GPR179: variants seen among roughly 807,000 people sequenced by gnomAD.
GPR179 encodes probable G protein-coupled receptor 179.
A neutral mutation model predicts 70.8 loss-of-function variants in GPR179; 52 were observed. That is an observed-to-expected ratio of 0.73 (90% CI 0.59 to 0.93). GPR179 has a LOEUF of 0.93. Among genes scored for constraint, GPR179 ranks in the 40% least tolerant of loss-of-function variants. The pLI, the probability that GPR179 is intolerant of heterozygous loss-of-function variation, is 0.00. For synonymous variants in GPR179, 1,123 were observed against 1,169.0 expected, an observed-to-expected ratio of 0.96 and a Z score of 0.80; for missense variants, 2,734 against 2,966.8, an observed-to-expected ratio of 0.92 and a Z score of 1.82.
chr17:38,330,050 G>C lies in GPR179; in HGVS notation c.3519C>G (p.Ser1173Arg), dbSNP rs769135444. The C allele has an allele frequency of 6.2e-7, 1 of 1,614,078 alleles. No individual in the cohort carries two copies. Among genetic ancestry groups the C allele is most frequent in the African/African-American group, 1.3e-5 (1 of 74,924 alleles). The change falls in exon 11 of 11, where the codon AGC becomes AGG. Residue 1173 changes from serine (S) to arginine (R), a missense_variant. Physicochemically the swap from Ser to Arg is moderately radical, Grantham distance 110 (BLOSUM62 -1). Coordinates refer to ENST00000616987, the MANE Select transcript of GPR179 (RefSeq NM_001004334.4). ...RMLQVCQREG[S>R]REQEDRGRRM... ...TCCTGCCTCTGTCTTCTTGTTCCCTGCTGCCCTCCCGTTGACAGACTTGGA... is the reference window on the plus strand; with the variant it reads ...TCCTGCCTCTGTCTTCTTGTTCCCTCCTGCCCTCCCGTTGACAGACTTGGA...
intron 4 of GPR179, 36 bp from the exon 5 acceptor site, chr17:38,336,180 T>C: frequency 6.9e-7 from 1 of 1,442,906 alleles, no homozygotes; most frequent in African/African-American, 1.4e-5. Context: ...GAGCAGAGTC[T>C]GGACGATGGT....
rs201516786 is a variant in GPR179 at position 38,327,963 on chromosome 17, T to G, written c.5606A>C (p.Gln1869Pro). The stretch of plus-strand genomic sequence containing the variant: ...CTCCCAAATACAAATAGTTTCCTGT[T>G]GTTGACACAGTTTTGCCATCCCTTT... The part of the protein sequence containing the change: ...VSKGMAKLCQ[Q>P]QETICIWENK... Residue 1869 changes from glutamine to proline, a missense_variant, in exon 11 of 11, where the codon CAA becomes CCA. Physicochemically the swap from Gln to Pro is moderately conservative, Grantham distance 76. Transcript: ENST00000616987. The G allele has an allele frequency of 3.6e-4, 583 of 1,614,186 alleles. No homozygotes were observed. The highest frequency in any genetic ancestry group is 4.7e-4 in the Non-Finnish European group (552 of 1,180,020).
In GPR179 at chr17:38,328,075, C is replaced by T. The variant is rs1157189477; in HGVS notation, c.5494G>A (p.Asp1832Asn). 1.2e-6 allele frequency: 2 copies of T among 1,614,006 alleles called. No individual in the cohort carries two copies. Among genetic ancestry groups the T allele is most frequent in the Non-Finnish European group, 1.7e-6 (2 of 1,180,026 alleles). The change falls in exon 11 of 11, where the codon GAC (aspartate) becomes AAC (asparagine). Residue 1832 changes from aspartate (D) to asparagine (N), a missense_variant. Physicochemically the swap from Asp to Asn is conservative, Grantham distance 23. Transcript: ENST00000616987. ...VSEGTTGKGL[D>N]QKAGSESAEQ... is the part of the protein sequence containing the mutation. ...GCTGATTCACTCCCTGCCTTTTGGT[C>T]CAATCCCTTCCCAGTAGTTCCTTCA... is the stretch of plus-strand genomic sequence containing the variant.
rs1299927354 is a variant in GPR179, at chr17:38,327,743, G to C, written c.5826C>G (p.Phe1942Leu). 6.2e-7 allele frequency: 1 copy of C among 1,614,084 alleles called. No individual in the cohort carries two copies. The highest frequency in any genetic ancestry group is 8.5e-7 in the Non-Finnish European group (1 of 1,180,044). ...TTGTTTTTTCCCCATCTTCAGTAGT[G>C]AATTCTTCTGTGTCTGCAGCTGGAG... Reference protein sequence around the residue: ...EKAPAADTEEFTTEDGEKTSH... With the variant: ...EKAPAADTEELTTEDGEKTSH... The change falls in exon 11 of 11, where the codon TTC becomes TTG. Residue 1942 changes from phenylalanine to leucine, a missense_variant. By Grantham distance (22) the Phe-to-Leu change is conservative. Transcript: ENST00000616987.
chr17:38,334,076 A>G lies in GPR179; in HGVS notation c.1785-38T>C. 1 of 1,407,554 alleles carries G rather than the reference A, an allele frequency of 7.1e-7. No individual in the cohort carries two copies. Among genetic ancestry groups the G allele is most frequent in the Non-Finnish European group, 1.0e-6 (1 of 992,362 alleles). The allele number at this position is 1,407,554 out of a possible 1,614,324, so 87.2% of individuals were successfully genotyped here. A position where few individuals can be genotyped will look rare whatever the true frequency, so the allele number is the denominator to read the frequency against. ...AGGGGCGCAGGTCATTACTGCAGGC[A>G]GGAGTTGCCTCTTCTGCTTTGCCTT... On this transcript the variant is annotated intron_variant, in intron 8 of 10. Transcript: ENST00000616987. The surrounding 1 kb of genome is among the most constrained non-coding windows in gnomAD (Gnocchi z 4.7).
In GPR179 at chr17:38,328,460, T is replaced by A; in HGVS notation, c.5109A>T (p.Glu1703Asp). ...VEENLTAGKA[E>D]ICPWEVGAGA... ...CAGCACCCACCTCCCAGGGACAGATTTCTGCCTTCCCAGCAGTCAAGTTTT... is the reference window on the plus strand; with the variant it reads ...CAGCACCCACCTCCCAGGGACAGATATCTGCCTTCCCAGCAGTCAAGTTTT... The change falls in exon 11 of 11, where the codon GAA becomes GAT. Residue 1703 changes from glutamate to aspartate, a missense_variant. Transcript: ENST00000616987. 1 of 1,613,500 alleles carries A rather than the reference T, an allele frequency of 6.2e-7. No homozygotes were observed. The highest frequency in any genetic ancestry group is 8.5e-7 in the Non-Finnish European group (1 of 1,179,766).
chr17:38,334,104 C>CA lies in GPR179; in HGVS notation c.1785-67dup. On this transcript the variant is annotated intron_variant, in intron 8 of 10. Transcript: ENST00000616987. This position sits in a 1 kb window ranked among gnomAD's most constrained non-coding sequence, Gnocchi z 4.7. The stretch of plus-strand genomic sequence containing the variant: ...AGTTGCCTCTTCTGCTTTGCCTTCT[C>CA]ACTGGCGTTTCACCTCAGCCCCAAC... 3 of 1,154,542 alleles carry CA rather than the reference C, an allele frequency of 2.6e-6. No homozygotes were observed. The highest frequency in any genetic ancestry group is 3.9e-6 in the Non-Finnish European group (3 of 763,368). 71.5% of individuals were successfully genotyped at this position (1,154,542 alleles called of 1,614,324 possible).
In GPR179 at chr17:38,325,890, A is replaced by G. The variant is rs919959249; in HGVS notation, c.*575T>C. On this transcript the variant is annotated 3_prime_UTR_variant, in exon 11 of 11. Transcript: ENST00000616987. Reference sequence around the variant, plus strand: ...GTCAAAATGACAAGGTCCTTAAAGCATTTTCAGGCCCCTATTTTGAGTCAT... The same window carrying G: ...GTCAAAATGACAAGGTCCTTAAAGCGTTTTCAGGCCCCTATTTTGAGTCAT... The G allele has an allele frequency of 6.6e-6, 1 of 152,326 alleles. No individual in the cohort carries two copies. The highest frequency in any genetic ancestry group is 2.4e-5 in the African/African-American group (1 of 41,424). The allele number at this position is 152,326 out of a possible 1,614,324, so 9.4% of individuals were successfully genotyped here. A position where few individuals can be genotyped will look rare whatever the true frequency, so the allele number is the denominator to read the frequency against.
Position 38,331,326 on chromosome 17 carries a change from C to G in GPR179, c.2243G>C (p.Gly748Ala). The G allele has an allele frequency of 1.2e-6, 2 of 1,607,916 alleles. No individual in the cohort carries two copies. Among genetic ancestry groups the G allele is most frequent in the Non-Finnish European group, 1.7e-6 (2 of 1,177,882 alleles). The change falls in exon 11 of 11, where the codon GGC (glycine) becomes GCC (alanine). Residue 748 changes from glycine (G) to alanine (A), a missense_variant. Coordinates refer to ENST00000616987, the MANE Select transcript of GPR179 (RefSeq NM_001004334.4). ...GCTGAGGAGCCGGCGGCGGGAGGAG[C>G]CGGGCAGGCTGCCGTGGCCTGGGGA... ...SGSPGHGSLPGSSRRRLLSSS... is the reference protein window; with the variant it reads ...SGSPGHGSLPASSRRRLLSSS...
At chr17:38,340,620 A>G (rs761008509) in intron 1 of GPR179, among the ~76,000 whole-genome samples, 20 of 152,302 alleles carry the variant, frequency 1.3e-4, no homozygotes, top group Admixed American at 6.5e-4. Context: ...GTGTCATGTA[A>G]AACTTTGGCT....
In GPR179 at chr17:38,331,144, C is replaced by A; in HGVS notation, c.2425G>T (p.Gly809Trp). 6.2e-7 allele frequency: 1 copy of A among 1,605,956 alleles called. No homozygotes were observed. ...GACCTGAAGCCCAGGGCAGGGGGCC[C>A]CTCCACCGACTCCCGGCTCTCTGTT... is the stretch of plus-strand genomic sequence containing the variant. ...SRTESRESVE[G>W]PPALGFRSAS... The change falls in exon 11 of 11, where the codon GGG becomes TGG. Residue 809 changes from glycine (G) to tryptophan (W), a missense_variant. Transcript: ENST00000616987.
Position 38,342,993 on chromosome 17 carries a change from T to TA in GPR179, c.794+2dup. On this transcript the variant is annotated splice_region_variant and intron_variant, in intron 1 of 10. Transcript: ENST00000616987. ...GCATCAAATCCTGCACAAACCCACT[T>TA]ACCTGACTTCTGGGCTGAGGTCTGG... 2 of 1,593,322 alleles carry TA rather than the reference T, an allele frequency of 1.3e-6. No individual in the cohort carries two copies. Among genetic ancestry groups the TA allele is most frequent in the Non-Finnish European group, 1.7e-6 (2 of 1,168,814 alleles).
In GPR179 at chr17:38,328,190, A is replaced by G. The variant is rs371021022; in HGVS notation, c.5379T>C (p.His1793=). ...ACACTTCACCTGGCCTGCAGCCCATATGATCCAGTTCCTGGAACCCAGCTT... is the reference window on the plus strand; with the variant it reads ...ACACTTCACCTGGCCTGCAGCCCATGTGATCCAGTTCCTGGAACCCAGCTT... ...GPKAGFQELD[H]MGCRPGEVCP... The change falls in exon 11 of 11, where the codon CAT becomes CAC. Residue 1793 remains histidine (H), a synonymous_variant. Transcript: ENST00000616987. 7 of 1,612,908 alleles carry G rather than the reference A, an allele frequency of 4.3e-6. No individual in the cohort carries two copies. The highest frequency in any genetic ancestry group is 4.0e-5 in the African/African-American group (3 of 74,598).
At chr17:38,340,457 T>C (rs1217925396) in intron 1 of GPR179, among the ~76,000 whole-genome samples, 1 of 152,212 alleles carries the variant, frequency 6.6e-6, no homozygotes, top group Non-Finnish European at 1.5e-5. Context: ...TTAAAAATTA[T>C]TTTTAGTGGA....
intron 2 of GPR179, 112 bp from the exon 3 acceptor site, chr17:38,337,832 C>T (rs1252997357): frequency 1.1e-6 from 1 of 889,236 alleles, no homozygotes; most frequent in Non-Finnish European, 1.8e-6. Flanking sequence ...GGACTTGGGT[C>T]CACACTAGGG....
Position 38,335,702 on chromosome 17 carries a change from T to C in GPR179, c.1297-2A>G, listed in dbSNP as rs1430846009. 1.9e-6 allele frequency: 3 copies of C among 1,606,744 alleles called. No homozygotes were observed. Among genetic ancestry groups the C allele is most frequent in the Non-Finnish European group, 2.6e-6 (3 of 1,173,528 alleles). On this transcript the variant is annotated splice_acceptor_variant, in intron 5 of 10. Coordinates refer to ENST00000616987, the MANE Select transcript of GPR179 (RefSeq NM_001004334.4). LOFTEE classifies it high-confidence loss of function. ...GGGCTTGAAGTATAGGATGAAGACC[T>C]GGTGGGAAGGGGCAAAAATCTCTGC... is the stretch of plus-strand genomic sequence containing the variant.
In GPR179 at chr17:38,328,708, C is replaced by T. The variant is rs2037317446; in HGVS notation, c.4861G>A (p.Glu1621Lys). ...ATTTCCGATTTTCCAGGCATTTTCT[C>T]CTTGTCCTTTTGAGATTCTCCTCCT... Reference protein sequence around the residue: ...PRGGESQKDKEKMPGKSEIED... With the variant: ...PRGGESQKDKKKMPGKSEIED... The change falls in exon 11 of 11, where the codon GAG becomes AAG. Residue 1621 changes from glutamate to lysine, a missense_variant. By Grantham distance (56) the Glu-to-Lys change is moderately conservative. Coordinates refer to ENST00000616987, the MANE Select transcript of GPR179 (RefSeq NM_001004334.4). 2 of 1,613,872 alleles carry T rather than the reference C, an allele frequency of 1.2e-6. No individual in the cohort carries two copies. Among genetic ancestry groups the T allele is most frequent in the Admixed American group, 1.7e-5 (1 of 59,980 alleles).
Position 38,331,163 on chromosome 17 carries a change from C to G in GPR179, c.2406G>C (p.Glu802Asp), listed in dbSNP as rs762706464. Reference protein sequence around the residue: ...RKLAKKASRTESRESVEGPPA... With the variant: ...RKLAKKASRTDSRESVEGPPA... ...GGGGCCCCTCCACCGACTCCCGGCT[C>G]TCTGTTCGAGAGGCCTTCTTGGCCA... Residue 802 changes from glutamate (E) to aspartate (D), a missense_variant, in exon 11 of 11, where the codon GAG (glutamate) becomes GAC (aspartate). Physicochemically the swap from Glu to Asp is conservative, Grantham distance 45. Transcript: ENST00000616987. The G allele has an allele frequency of 6.2e-7, 1 of 1,608,302 alleles. No homozygotes were observed. The highest frequency in any genetic ancestry group is 1.3e-5 in the African/African-American group (1 of 75,062).
Position 38,343,646 on chromosome 17 carries a change from G to A in GPR179, c.144C>T (p.Pro48=). The A allele has an allele frequency of 6.2e-7, 1 of 1,613,732 alleles. No homozygotes were observed. The highest frequency in any genetic ancestry group is 8.5e-7 in the Non-Finnish European group (1 of 1,179,878). ...CGGCCCCCTCTAGGGGCACCTGCAT[G>A]GGTACAGATCCTGGCTTGACTTGGG... ...LSSQVKPGSV[P]MQVPLEGAEA... Residue 48 remains proline (P), a synonymous_variant, in exon 1 of 11, where the codon CCC becomes CCT. Coordinates refer to ENST00000616987, the MANE Select transcript of GPR179 (RefSeq NM_001004334.4). The surrounding 1 kb of genome is among the most constrained non-coding windows in gnomAD (Gnocchi z 4.2).
Sources: allele counts gnomAD v4.1 joint callset (sites outside exome capture counted in the v4.1 genomes callset), GRCh38; gene constraint gnomAD v4.1.1; non-coding constraint Gnocchi (gnomAD v3.1); transcripts MANE v1.5; gene names NCBI Gene and HGNC (gene_info 2026-07-23, HGNC 2026-07-21).